ANKRD30B: variants seen among roughly 807,000 people sequenced by gnomAD.
ANKRD30B encodes the protein ankyrin repeat domain-containing protein 30B.
Under a neutral mutation model 202.2 loss-of-function variants are expected in ANKRD30B, and 144 were observed. The ratio of observed to expected loss-of-function variants is 0.71; its 90% CI spans 0.62 to 0.82. The LOEUF (loss-of-function observed/expected upper bound fraction) is 0.82. ANKRD30B is among the 40% of genes least tolerant of loss of function. The pLI is 0.00. For synonymous variants in ANKRD30B, 508 were observed against 561.3 expected (o/e 0.91, Z 1.34); for missense variants, 1,487 against 1,669.1 (o/e 0.89, Z 1.90).
the ANKRD30B span, among the ~76,000 whole-genome samples, chr18:14,867,633 G>C: frequency 6.6e-6 from 1 of 152,184 alleles, no homozygotes; most frequent in Non-Finnish European, 1.5e-5. Context: ...TCAGGGTCCT[G>C]TGGGTGGAGG....
At chr18:14,800,830 AT>A (rs1198194836) in intron 22 of ANKRD30B, among the ~76,000 whole-genome samples, 4 of 47,174 alleles carry the variant, frequency 8.5e-5, no homozygotes, top group Admixed American at 2.5e-4. Context: ...CAGCATTATA[AT>A]TTTTAGAGAC....
chr18:14,774,932 C>T (rs1967259014), intron 9 of ANKRD30B, among the ~76,000 whole-genome samples: 1 of 152,050 alleles, frequency 6.6e-6, no homozygotes, highest in Non-Finnish European at 1.5e-5. Context: ...TCGAGACCAT[C>T]CTGGCTAACA....
the ANKRD30B span, among the ~76,000 whole-genome samples, chr18:14,883,360 T>G: frequency 1.1e-5 from 1 of 93,614 alleles, no homozygotes; most frequent in African/African-American, 4.2e-5. Flanking sequence ...TCTCTCTCTC[T>G]GTCTGTCTGT....
chr18:14,852,178 A>C lies in ANKRD30B; in HGVS notation c.4234A>C (p.Thr1412Pro), dbSNP rs1451079395. 6.3e-7 allele frequency: 1 copy of C among 1,594,446 alleles called. No individual in the cohort carries two copies. The highest frequency in any genetic ancestry group is 8.5e-7 in the Non-Finnish European group (1 of 1,170,342). The change falls in exon 42 of 44, where the codon ACT (threonine) becomes CCT (proline). Residue 1412 changes from threonine to proline, a missense_variant. Thr to Pro is a conservative substitution (Grantham distance 38, BLOSUM62 -1). Around this residue, in one of 6 missense-constraint regions of ANKRD30B, gnomAD observed 182 missense variants for 216.0 expected, o/e 0.84. Coordinates refer to ENST00000690538, the MANE Select transcript of ANKRD30B (RefSeq NM_001367607.2). Reference sequence around the variant, plus strand: ...TGAACAAGATAATGTGGACAAACACACTGAACAGCAGGAGTCTCTGGAGCA... The same window carrying C: ...TGAACAAGATAATGTGGACAAACACCCTGAACAGCAGGAGTCTCTGGAGCA... ...QNEQDNVDKH[T>P]EQQESLEQKL...
At chr18:14,821,000 T>C (rs1970385775) in intron 30 of ANKRD30B, among the ~76,000 whole-genome samples, 1 of 152,156 alleles carries the variant, frequency 6.6e-6, no homozygotes. Context: ...TCCTGGACTC[T>C]TTTTGGTTGG....
At chr18:14,864,067 G>T in the ANKRD30B span, among the ~76,000 whole-genome samples, 1 of 152,172 alleles carries the variant, frequency 6.6e-6, no homozygotes, top group Admixed American at 6.5e-5. Context: ...TCCTTGCCAG[G>T]TGCGGTGGCT....
the ANKRD30B span, among the ~76,000 whole-genome samples, chr18:14,910,454 T>C: frequency 1.9e-4 from 29 of 151,080 alleles, no homozygotes; most frequent in Non-Finnish European, 4.0e-4. Flanking sequence ...ATAATATATA[T>C]GTGTGATACA....
At chr18:14,876,545 G>T in the ANKRD30B span, among the ~76,000 whole-genome samples, 3 of 152,094 alleles carry the variant, frequency 2.0e-5, no homozygotes, top group Non-Finnish European at 4.4e-5. Flanking sequence ...CTTCTCTCTT[G>T]GGTTGTATTA....
intron 15 of ANKRD30B, among the ~76,000 whole-genome samples, chr18:14,788,207 T>C (rs1968211898): frequency 6.6e-6 from 1 of 152,186 alleles, no homozygotes; most frequent in African/African-American, 2.4e-5. Flanking sequence ...GTTTGAAATG[T>C]CATTTATTTT....
At chr18:14,925,253 C>T in the ANKRD30B span, among the ~76,000 whole-genome samples, 1 of 152,186 alleles carries the variant, frequency 6.6e-6, no homozygotes, top group East Asian at 1.9e-4. Context: ...ATGGGAAGCA[C>T]TGAGCTGGCC....
At chr18:14,786,030 G>A (rs1232696102) in intron 14 of ANKRD30B, among the ~76,000 whole-genome samples, 2 of 114,076 alleles carry the variant, frequency 1.8e-5, no homozygotes, top group Non-Finnish European at 3.3e-5. Context: ...GGGCGACAGA[G>A]CGAGACTCCG....
chr18:14,777,211 C>T lies in ANKRD30B; in HGVS notation c.1330-774C>T, dbSNP rs184749514. Among the ~76,000 whole-genome samples, 158 of 152,224 alleles carry T rather than the reference C, an allele frequency of 1.0e-3. 1 individual carries two copies. The highest frequency in any genetic ancestry group is 1.7e-3 in the Non-Finnish European group (116 of 68,014). ...AGGTAAGTGTGATCTACAAAGCATA[C>T]GTGAGGTTTTCTCTTGAAATGTTTT... On this transcript the variant is annotated intron_variant, in intron 9 of 43. Coordinates refer to ENST00000690538, the MANE Select transcript of ANKRD30B (RefSeq NM_001367607.2).
downstream of ANKRD30B, among the ~76,000 whole-genome samples, chr18:14,855,859 C>T (rs143474321): frequency 0.028 from 4,098 of 147,852 alleles, 140 homozygotes; most frequent in African/African-American, 0.097. Context: ...CCAGACGTCG[C>T]GGCCAGGCAG....
At chr18:14,796,044 A>G (rs564621730) in intron 16 of ANKRD30B, among the ~76,000 whole-genome samples, 177 bp from the exon 17 acceptor site, 1 of 152,288 alleles carries the variant, frequency 6.6e-6, no homozygotes, top group African/African-American at 2.4e-5. Flanking sequence ...TTTCTTAAGT[A>G]TATTTCTGTC....
chr18:14,821,405 G>A (rs967758562), intron 30 of ANKRD30B, among the ~76,000 whole-genome samples: 2 of 151,966 alleles, frequency 1.3e-5, no homozygotes, highest in Admixed American at 6.6e-5. Flanking sequence ...CCTTCTACTA[G>A]CTTTTGAATG....
chr18:14,936,403 T>TCCTC, the ANKRD30B span, among the ~76,000 whole-genome samples: 2 of 151,974 alleles, frequency 1.3e-5, no homozygotes, highest in African/African-American at 2.4e-5. Context: ...CTTCCTTCCT[T>TCCTC]CCTCCCTCCC....
chr18:14,914,771 A>AAGAT, the ANKRD30B span, among the ~76,000 whole-genome samples: 1 of 152,164 alleles, frequency 6.6e-6, no homozygotes, highest in Admixed American at 6.5e-5. Context: ...TGAGAGAAGG[A>AAGAT]AGATCATAAA....
At chr18:14,762,596 G>C (rs1915428071) in intron 6 of ANKRD30B, among the ~76,000 whole-genome samples, 1 of 152,048 alleles carries the variant, frequency 6.6e-6, no homozygotes, top group Non-Finnish European at 1.5e-5. Context: ...TCTATCTACT[G>C]GATAATTAGT....
At chr18:14,918,557 A>T in the ANKRD30B span, among the ~76,000 whole-genome samples, 1 of 152,088 alleles carries the variant, frequency 6.6e-6, no homozygotes, top group Non-Finnish European at 1.5e-5. Flanking sequence ...ATATCCCAAT[A>T]TCCAGGCTCT....
Sources: gnomAD v4.1 joint callset for allele counts (sites outside exome capture counted in the v4.1 genomes callset) on GRCh38, gnomAD v4.1.1 for gene constraint, gnomAD v4.1.1 regional missense constraint, MANE v1.5 for transcripts, NCBI Gene and HGNC (gene_info 2026-07-23, HGNC 2026-07-21) for gene names.